The following RELB variants were observed in gnomAD, a reference collection of about 807,000 sequenced individuals.
RELB encodes the protein transcription factor RelB.
RELB carries 14 observed loss-of-function variants against 55.4 expected under a neutral mutation model. The observed-to-expected ratio is 0.25, with a 90% CI of 0.17 to 0.40. The LOEUF is 0.40. RELB is among the 10% of genes least tolerant of loss of function. The pLI, the probability that RELB is intolerant of heterozygous loss-of-function variation, is 1.00. For missense variants in RELB, 669 were observed against 830.7 expected, an observed-to-expected ratio of 0.81 and a Z score of 2.39; for synonymous variants, 409 against 371.3, an observed-to-expected ratio of 1.10 and a Z score of -1.17.
chr19:45,009,980 A>G (rs551003254), intron 3 of RELB, among the ~76,000 whole-genome samples, 158 bp downstream of exon 3: 1 of 152,078 alleles, frequency 6.6e-6, no homozygotes, highest in Non-Finnish European at 1.5e-5. Context: ...CTCCTAAGGT[A>G]CTTAGCAGTG....
At chr19:45,020,289 T>C (rs1825062509) in intron 4 of RELB, among the ~76,000 whole-genome samples, 1 of 151,430 alleles carries the variant, frequency 6.6e-6, no homozygotes, top group South Asian at 2.1e-4. Flanking sequence ...AGTGACGCAA[T>C]CTGGGCTCAT....
intron 5 of RELB, among the ~76,000 whole-genome samples, chr19:45,024,413 C>T (rs866126812): frequency 2.0e-5 from 3 of 152,132 alleles, no homozygotes; most frequent in African/African-American, 4.8e-5. Context: ...CTGCCCGTAT[C>T]GGCCTCCCAA....
At chr19:45,025,484 C>T (rs1971547490) in intron 6 of RELB, 64 bp downstream of exon 6, 3 of 1,561,218 alleles carry the variant, frequency 1.9e-6, no homozygotes, top group South Asian at 1.1e-5. Flanking sequence ...CCGTGCTCAC[C>T]CTGGTCCCCT....
intron 10 of RELB, 25 bp downstream of exon 10, chr19:45,034,337 C>T: frequency 6.2e-7 from 1 of 1,610,392 alleles, no homozygotes. Flanking sequence ...CCCCTTTCCA[C>T]CCCCATCCCC....
At chr19:45,029,502 C>T (rs2122479756) in intron 8 of RELB, among the ~76,000 whole-genome samples, 1 of 152,078 alleles carries the variant, frequency 6.6e-6, no homozygotes, top group East Asian at 1.9e-4. Context: ...CACTTGAGCT[C>T]AGGAGTTCGA....
chr19:45,001,765 G>C (rs34291375), intron 1 of RELB, 80 bp downstream of exon 1: 4 of 932,610 alleles, frequency 4.3e-6, no homozygotes, highest in African/African-American at 1.7e-5. Context: ...GGAGTAGTCT[G>C]GGGGTTCCTA....
rs1203849885 is a variant in RELB, at chr19:45,012,531, G to A, written c.504+255G>A. ...GTCTGAGGCGGGCGGATCCCTTGAT[G>A]TCAGGAGTTCGAGACCAGCCTGGCC... On this transcript the variant is annotated intron_variant, in intron 4 of 11. Coordinates refer to ENST00000221452, the MANE Select transcript of RELB (RefSeq NM_006509.4). Among the ~76,000 whole-genome samples the A allele has an allele frequency of 2.6e-5, 4 of 151,952 alleles. 1 individual carries two copies. Among genetic ancestry groups the A allele is most frequent in the African/African-American group, 9.7e-5 (4 of 41,368 alleles).
intron 11 of RELB, among the ~76,000 whole-genome samples, chr19:45,036,771 T>C (rs1189972657): frequency 6.6e-6 from 1 of 152,138 alleles, no homozygotes; most frequent in Non-Finnish European, 1.5e-5. Context: ...AGCCTCAAAC[T>C]GGGCTCAAGC....
intron 5 of RELB, among the ~76,000 whole-genome samples, chr19:45,024,643 G>A (rs1264984451): frequency 4.0e-5 from 6 of 151,548 alleles, no homozygotes; most frequent in Middle Eastern, 3.4e-3. Flanking sequence ...TCTACCTCCC[G>A]GGCTCAAGCA....
intron 8 of RELB, among the ~76,000 whole-genome samples, chr19:45,030,341 C>T (rs1467459254): frequency 6.6e-6 from 1 of 152,036 alleles, no homozygotes; most frequent in Non-Finnish European, 1.5e-5. Flanking sequence ...AAAAAATAGC[C>T]AGGCATTAGG....
chr19:45,002,604 C>T lies in RELB; in HGVS notation c.107-345C>T, dbSNP rs568212007. 1.4e-4 allele frequency among the ~76,000 whole-genome samples: 21 copies of T among 152,274 alleles called. No individual in the cohort carries two copies. In the South Asian group the frequency reaches 3.5e-3, roughly 26 times the overall value. The stretch of plus-strand genomic sequence containing the variant: ...CTGACCTCAGGTGATCCGCACGCCT[C>T]GGCCTCTCAAAGTGCTGGGATTACA... On this transcript the variant is annotated intron_variant, in intron 1 of 11. Transcript: ENST00000221452.
rs143170168 is a variant in RELB at position 45,002,542 on chromosome 19, G to A, written c.107-407G>A. On this transcript the variant is annotated intron_variant, in intron 1 of 11. Coordinates refer to ENST00000221452, the MANE Select transcript of RELB (RefSeq NM_006509.4). ...TAATTTTTGTAGTTTTACTAGAGAC[G>A]GGGTTTCACCATGCTGGTCAGACTG... is the stretch of plus-strand genomic sequence containing the variant. 3.9e-3 allele frequency among the ~76,000 whole-genome samples: 594 copies of A among 152,190 alleles called. 6 individuals carry two copies. Among genetic ancestry groups the A allele is most frequent in the Middle Eastern group, 0.01 (3 of 294 alleles).
At chr19:45,006,561 A>G (rs1971284456) in intron 2 of RELB, among the ~76,000 whole-genome samples, 1 of 152,090 alleles carries the variant, frequency 6.6e-6, no homozygotes, top group Non-Finnish European at 1.5e-5. Context: ...GGATAAAATG[A>G]GGAGAAACAG....
chr19:45,016,029 C>T (rs1248407466), intron 4 of RELB, among the ~76,000 whole-genome samples: 2 of 151,456 alleles, frequency 1.3e-5, no homozygotes, highest in Non-Finnish European at 2.9e-5. Context: ...GATGCAGTCT[C>T]GCTCTGTCAC....
At chr19:45,017,686 A>C (rs1053487105) in intron 4 of RELB, among the ~76,000 whole-genome samples, 3 of 141,140 alleles carry the variant, frequency 2.1e-5, no homozygotes, top group African/African-American at 7.9e-5. Flanking sequence ...TTTGAGACAG[A>C]GTTTTGCTCT....
intron 2 of RELB, chr19:45,008,440 C>G: frequency 2.2e-6 from 1 of 456,216 alleles, no homozygotes; most frequent in Non-Finnish European, 4.4e-6. Flanking sequence ...AAGTCTAACT[C>G]TGTCTTTGGG....
chr19:45,032,426 A>T lies in RELB; in HGVS notation c.992-108A>T, dbSNP rs931104840. The T allele has an allele frequency of 1.3e-3, 1,183 of 886,066 alleles. 5 individuals are homozygous for T. Among genetic ancestry groups the T allele is most frequent in the Non-Finnish European group, 1.8e-3 (1,029 of 586,914 alleles). The allele number at this position is 886,066 out of a possible 1,614,324, so 54.9% of individuals were successfully genotyped here. A position where few individuals can be genotyped will look rare whatever the true frequency, so the allele number is the denominator to read the frequency against. ...AGAGCAAGACTCTCAAAAAAAAAAA[A>T]TTTTAAAAAGGGGGAATATTAGTCT... On this transcript the variant is annotated intron_variant, in intron 8 of 11. Transcript: ENST00000221452.
At chr19:45,036,824 G>A (rs935800924) in intron 11 of RELB, among the ~76,000 whole-genome samples, 1 of 152,102 alleles carries the variant, frequency 6.6e-6, no homozygotes, top group Non-Finnish European at 1.5e-5. Flanking sequence ...GACTACAGGC[G>A]GGCACCACCA....
intron 8 of RELB, among the ~76,000 whole-genome samples, chr19:45,029,850 AAAAAAAAG>A (rs939181571): frequency 6.6e-6 from 1 of 151,694 alleles, no homozygotes; most frequent in Non-Finnish European, 1.5e-5. Context: ...GCTCTGTCTC[AAAAAAAAG>A]AAAAAAAGAA....
Sources: gnomAD v4.1 joint callset for allele counts (sites outside exome capture counted in the v4.1 genomes callset) on GRCh38, gnomAD v4.1.1 for gene constraint, MANE v1.5 for transcripts, NCBI Gene and HGNC (gene_info 2026-07-23, HGNC 2026-07-21) for gene names.